The following CDKAL1 variants were observed in gnomAD, a reference collection of about 807,000 sequenced individuals.
CDKAL1 encodes the protein threonylcarbamoyladenosine tRNA methylthiotransferase.
CDKAL1 carries 32 observed loss-of-function variants against 68.2 expected under a neutral mutation model. The observed-to-expected ratio is 0.47, with a 90% CI of 0.35 to 0.63. The LOEUF (loss-of-function observed/expected upper bound fraction) is 0.63, where lower values mean the gene tolerates loss of function less well. CDKAL1 is among the 30% of genes least tolerant of loss of function. CDKAL1 has a pLI of 0.00. For missense variants in CDKAL1, 606 were observed against 696.7 expected (o/e 0.87, Z 1.47); for synonymous variants, 234 against 244.3 (o/e 0.96, Z 0.39).
At chr6:20,851,022 T>G (rs981330171) in intron 9 of CDKAL1, among the ~76,000 whole-genome samples, 2 of 10,846 alleles carry the variant, frequency 1.8e-4, no homozygotes, top group Non-Finnish European at 5.1e-4. Context: ...TTTCTGGCGT[T>G]TTTTTTTTCT....
chr6:21,001,363 G>T (rs1767420027), intron 11 of CDKAL1, among the ~76,000 whole-genome samples: 1 of 151,856 alleles, frequency 6.6e-6, no homozygotes, highest in South Asian at 2.1e-4. Context: ...TATCCTAACT[G>T]CATATGATCA....
intron 9 of CDKAL1, among the ~76,000 whole-genome samples, chr6:20,912,551 C>T (rs1300584301): frequency 1.3e-5 from 2 of 152,122 alleles, no homozygotes; most frequent in Non-Finnish European, 2.9e-5. Context: ...ATCAAAGACA[C>T]CTTGTAAAAG....
At chr6:20,889,555 G>A (rs1761271000) in intron 9 of CDKAL1, among the ~76,000 whole-genome samples, 1 of 152,104 alleles carries the variant, frequency 6.6e-6, no homozygotes, top group Non-Finnish European at 1.5e-5. Flanking sequence ...TGTATAAGGT[G>A]TAAGGAAGGG....
At chr6:21,226,505 A>T (rs1255858533) in intron 15 of CDKAL1, among the ~76,000 whole-genome samples, 1 of 152,226 alleles carries the variant, frequency 6.6e-6, no homozygotes, top group Non-Finnish European at 1.5e-5. Flanking sequence ...GCACGATGGG[A>T]ATTTTAGTGC....
At chr6:20,832,227 T>G (rs1331756967) in intron 8 of CDKAL1, among the ~76,000 whole-genome samples, 1 of 152,238 alleles carries the variant, frequency 6.6e-6, no homozygotes, top group Non-Finnish European at 1.5e-5. Context: ...AAATGCCCAT[T>G]AAAATGATTT....
In CDKAL1 at chr6:20,558,781, T is replaced by C. The variant is rs959074228; in HGVS notation, c.286+10076T>C. 5 of 349,828 alleles carry C rather than the reference T, an allele frequency of 1.4e-5. 1 individual carries two copies. The Admixed American group carries it at 1.9e-4, about 13-fold the overall frequency. 21.7% of individuals were successfully genotyped at this position (349,828 alleles called of 1,614,324 possible). A position where few individuals can be genotyped will look rare whatever the true frequency, so the allele number is the denominator to read the frequency against. On this transcript the variant is annotated intron_variant, in intron 4 of 15. Coordinates refer to ENST00000274695, the MANE Select transcript of CDKAL1 (RefSeq NM_017774.3). Reference sequence around the variant, plus strand: ...ACAATACATTTTTAAGAGTGGAAATTGCATTGAAGAGTGGAAGAAAAGTCG... The same window carrying C: ...ACAATACATTTTTAAGAGTGGAAATCGCATTGAAGAGTGGAAGAAAAGTCG...
intron 13 of CDKAL1, among the ~76,000 whole-genome samples, chr6:21,143,126 C>G (rs985418529): frequency 6.6e-6 from 1 of 152,168 alleles, no homozygotes; most frequent in Non-Finnish European, 1.5e-5. Context: ...CTTCTTTGCC[C>G]TAATCCTTCT....
At chr6:21,066,664 C>A (rs924814215) in intron 12 of CDKAL1, among the ~76,000 whole-genome samples, 1 of 152,168 alleles carries the variant, frequency 6.6e-6, no homozygotes, top group East Asian at 1.9e-4. Flanking sequence ...CTCTGTTGCC[C>A]AGGCTGGAGT....
At chr6:21,143,894 G>A (rs1048853186) in intron 13 of CDKAL1, among the ~76,000 whole-genome samples, 3 of 152,112 alleles carry the variant, frequency 2.0e-5, no homozygotes, top group Non-Finnish European at 2.9e-5. Context: ...GATCGACTCA[G>A]GTTCTGGAAT....
intron 5 of CDKAL1, among the ~76,000 whole-genome samples, chr6:20,716,063 A>C (rs894630739): frequency 6.6e-6 from 1 of 152,208 alleles, no homozygotes; most frequent in Non-Finnish European, 1.5e-5. Context: ...GATTTGATAG[A>C]ATCTCAGGCA....
At chr6:20,974,084 A>G (rs960038211) in intron 10 of CDKAL1, among the ~76,000 whole-genome samples, 1 of 152,244 alleles carries the variant, frequency 6.6e-6, no homozygotes, top group Non-Finnish European at 1.5e-5. Flanking sequence ...TCTCTTTCAC[A>G]GTCCACAGAT....
chr6:20,960,218 T>C (rs1764986453), intron 10 of CDKAL1, among the ~76,000 whole-genome samples: 1 of 152,164 alleles, frequency 6.6e-6, no homozygotes, highest in Non-Finnish European at 1.5e-5. Flanking sequence ...AGCCTTGAAC[T>C]CCTGGGCTCA....
chr6:20,945,350 T>A (rs1293525029), intron 9 of CDKAL1, among the ~76,000 whole-genome samples: 1 of 152,170 alleles, frequency 6.6e-6, no homozygotes, highest in Non-Finnish European at 1.5e-5. Flanking sequence ...TTTCCATAAT[T>A]TGAAAAAAAT....
intron 7 of CDKAL1, 40 bp from the exon 8 acceptor site, chr6:20,781,105 G>A: frequency 6.3e-7 from 1 of 1,596,758 alleles, no homozygotes; most frequent in Non-Finnish European, 8.5e-7. Context: ...AGTGAAGTGT[G>A]TAACTCTTGC....
intron 5 of CDKAL1, among the ~76,000 whole-genome samples, chr6:20,681,432 A>C (rs957113450): frequency 6.6e-6 from 1 of 152,148 alleles, no homozygotes; most frequent in Admixed American, 6.6e-5. Context: ...AGCATGTTTT[A>C]CAAATTTATT....
chr6:20,741,238 A>G (rs1480168614), intron 6 of CDKAL1, among the ~76,000 whole-genome samples: 1 of 151,998 alleles, frequency 6.6e-6, no homozygotes, highest in Non-Finnish European at 1.5e-5. Context: ...TTCAGGGCCG[A>G]CACAAAGCTG....
chr6:20,947,500 AG>A (rs1764306840), intron 9 of CDKAL1, among the ~76,000 whole-genome samples: 1 of 151,218 alleles, frequency 6.6e-6, no homozygotes, highest in Admixed American at 6.6e-5. Flanking sequence ...CTGAGGTGGC[AG>A]GATCACTTGA....
intron 9 of CDKAL1, among the ~76,000 whole-genome samples, chr6:20,892,073 A>G (rs529045368): frequency 8.5e-5 from 13 of 152,314 alleles, no homozygotes; most frequent in African/African-American, 3.1e-4. Context: ...CTCCCCTGAC[A>G]GAGAAATCTT....
intron 13 of CDKAL1, among the ~76,000 whole-genome samples, chr6:21,149,342 C>T (rs1010089111): frequency 1.2e-4 from 18 of 151,954 alleles, no homozygotes; most frequent in Admixed American, 7.9e-4. Context: ...GACAGGGTTT[C>T]GCCATGTTAG....
Sources: allele counts gnomAD v4.1 joint callset (sites outside exome capture counted in the v4.1 genomes callset), GRCh38; gene constraint gnomAD v4.1.1; transcripts MANE v1.5; gene names NCBI Gene and HGNC (gene_info 2026-07-23, HGNC 2026-07-21).